Variants in RALGDS observed in about 807,000 individuals in gnomAD.
The protein encoded by RALGDS is ral guanine nucleotide exchange factor.
A neutral mutation model predicts 99.8 loss-of-function variants in RALGDS; 44 were observed. The ratio of observed to expected loss-of-function variants is 0.44; its 90% CI spans 0.35 to 0.57. The LOEUF (loss-of-function observed/expected upper bound fraction) is 0.57, where lower values mean the gene tolerates loss of function less well. Ranked by LOEUF, RALGDS falls within the 20% of genes least tolerant of loss-of-function variation. The pLI, the probability that RALGDS is intolerant of heterozygous loss-of-function variation, is 0.01. For synonymous variants in RALGDS, 529 were observed against 505.0 expected (o/e 1.05, Z -0.64); for missense variants, 1,022 against 1,203.1 (o/e 0.85, Z 2.23).
intron 7 of RALGDS, 25 bp from the exon 8 acceptor site, chr9:133,106,773 T>C (rs1460485200): frequency 3.2e-6 from 5 of 1,551,410 alleles, no homozygotes; most frequent in African/African-American, 2.7e-5. Flanking sequence ...GCAGGAGGCA[T>C]GAGGTGGGGC....
intron 1 of RALGDS, among the ~76,000 whole-genome samples, chr9:133,116,226 T>A (rs925614494): frequency 2.6e-5 from 4 of 152,160 alleles, no homozygotes; most frequent in African/African-American, 9.7e-5. Context: ...AGACAAAGCA[T>A]CAAGATGACA....
chr9:133,138,488 AGCATCATGGTGG>A (rs1832462252), intron 1 of RALGDS, among the ~76,000 whole-genome samples: 1 of 152,178 alleles, frequency 6.6e-6, no homozygotes, highest in Non-Finnish European at 1.5e-5. Context: ...TCTCCATGCC[AGCATCATGGTGG>A]GCAGCTGGGT....
At chr9:133,107,352 T>G in intron 6 of RALGDS, 52 bp from the exon 7 acceptor site, 2 of 1,498,566 alleles carry the variant, frequency 1.3e-6, no homozygotes, top group Non-Finnish European at 1.8e-6. Flanking sequence ...TCTGGGCTGG[T>G]GCTGGGGAAG....
At chr9:133,111,548 T>C (rs1418792892) in intron 2 of RALGDS, among the ~76,000 whole-genome samples, 1 of 152,214 alleles carries the variant, frequency 6.6e-6, no homozygotes, top group Admixed American at 6.5e-5. Flanking sequence ...CCCAAAATGC[T>C]GGGATTACAG....
intron 6 of RALGDS, among the ~76,000 whole-genome samples, chr9:133,107,538 A>G (rs639827): frequency 0.25 from 37,785 of 148,662 alleles, 4,924 homozygotes; most frequent in East Asian, 0.39. Context: ...CCCACCCCCC[A>G]TCCCCCCGCC....
chr9:133,136,840 G>A (rs1361964119), intron 1 of RALGDS, among the ~76,000 whole-genome samples: 1 of 152,134 alleles, frequency 6.6e-6, no homozygotes, highest in Non-Finnish European at 1.5e-5. Context: ...AGGAGGCTGA[G>A]GCAGGAGACT....
intron 4 of RALGDS, 42 bp from the exon 5 acceptor site, chr9:133,108,908 C>T (rs1300358116): frequency 6.4e-7 from 1 of 1,558,174 alleles, no homozygotes; most frequent in Non-Finnish European, 8.8e-7. Flanking sequence ...GGCCTGGGCT[C>T]CCCTGAGCCA....
At chr9:133,113,662 G>T (rs1831458167) in intron 1 of RALGDS, among the ~76,000 whole-genome samples, 3 of 152,174 alleles carry the variant, frequency 2.0e-5, no homozygotes, top group Admixed American at 1.3e-4. Flanking sequence ...CCCCTGCCTA[G>T]AAAGTTGTTC....
intron 16 of RALGDS, chr9:133,100,671 C>T: frequency 2.3e-6 from 3 of 1,300,408 alleles, no homozygotes; most frequent in African/African-American, 1.5e-5. Context: ...CCCACACTTC[C>T]TTGAGAAGCA....
upstream of RALGDS, chr9:133,121,320 G>A (rs1260734507): frequency 2.8e-5 from 19 of 685,504 alleles, no homozygotes; most frequent in Non-Finnish European, 3.1e-5. Flanking sequence ...GGGGAGGGGC[G>A]GAACCGGAGA....
At chr9:133,099,445 A>C (rs1026877916) in intron 17 of RALGDS, 1 of 152,860 alleles carries the variant, frequency 6.5e-6, no homozygotes, top group Non-Finnish European at 1.5e-5. Context: ...ACTTCTAGGG[A>C]TCACAGGAGT....
upstream of RALGDS, chr9:133,131,124 G>A (rs984808945): frequency 6.9e-7 from 1 of 1,443,962 alleles, no homozygotes; most frequent in African/African-American, 1.4e-5. Context: ...CACTGCCCCA[G>A]CAGCACCTCG....
Position 133,121,154 on chromosome 9 carries a change from TG to T in RALGDS, c.-1del. 1 of 1,229,376 alleles carries T rather than the reference TG, an allele frequency of 8.1e-7. No individual in the cohort carries two copies. The highest frequency in any genetic ancestry group is 1.0e-6 in the Non-Finnish European group (1 of 981,298). The allele number at this position is 1,229,376 out of a possible 1,614,324, so 76.2% of individuals were successfully genotyped here. A position where few individuals can be genotyped will look rare whatever the true frequency, so the allele number is the denominator to read the frequency against. On this transcript the variant is annotated 5_prime_UTR_variant, in exon 1 of 18. Coordinates refer to ENST00000372050, the MANE Select transcript of RALGDS (RefSeq NM_006266.4). ...GCCTCGGCCCACATGCGCTGCACCA[TG>T]GAAGGCTCGCAGCGCGGGCGCGGGG...
Position 133,107,126 on chromosome 9 carries a change from C to T in RALGDS, c.1372G>A (p.Asp458Asn), listed in dbSNP as rs758620729. The change falls in exon 7 of 18, where the codon GAC becomes AAC. Residue 458 changes from aspartate to asparagine, a missense_variant. This residue lies in a region of RALGDS where 825 missense variants were observed against 994.5 expected (regional missense o/e 0.83). Coordinates refer to ENST00000372050, the MANE Select transcript of RALGDS (RefSeq NM_006266.4). ...CAGTGCTCCACCACCCTGGCCCTGT[C>T]TGGGGCTTTCGTGCTTCGGTTCCCG... ...CLGNRSTKAP[D>N]RARVVEHWIE... is the part of the protein sequence containing the mutation. 1 of 1,613,740 alleles carries T rather than the reference C, an allele frequency of 6.2e-7. No homozygotes were observed. Among genetic ancestry groups the T allele is most frequent in the South Asian group, 1.1e-5 (1 of 91,092 alleles).
Position 133,108,872 on chromosome 9 carries a change from G to T in RALGDS, c.585-6C>A. On this transcript the variant is annotated splice_region_variant and splice_polypyrimidine_tract_variant and intron_variant, in intron 4 of 17. Coordinates refer to ENST00000372050, the MANE Select transcript of RALGDS (RefSeq NM_006266.4). ...CCAGGATGGAGGAGATGGCACTGGG[G>T]ACAGGTGGGTGGCAGCAGAGTCAGA... The T allele has an allele frequency of 6.2e-7, 1 of 1,609,850 alleles. No individual in the cohort carries two copies. Among genetic ancestry groups the T allele is most frequent in the South Asian group, 1.1e-5 (1 of 90,840 alleles).
intron 1 of RALGDS, among the ~76,000 whole-genome samples, chr9:133,137,052 C>G (rs551726811): frequency 2.0e-5 from 3 of 152,216 alleles, no homozygotes; most frequent in African/African-American, 7.2e-5. Context: ...CTGGCCAACA[C>G]GGTAAAACCC....
chr9:133,103,547 AG>A (rs1161311774), intron 11 of RALGDS, 199 bp downstream of exon 11: 22 of 704,440 alleles, frequency 3.1e-5, no homozygotes, highest in Non-Finnish European at 5.5e-5. Flanking sequence ...CTCTGTGCTC[AG>A]GGTCACTGCC....
chr9:133,113,777 G>T (rs574376968), intron 1 of RALGDS, among the ~76,000 whole-genome samples: 1 of 152,222 alleles, frequency 6.6e-6, no homozygotes, highest in Non-Finnish European at 1.5e-5. Context: ...TGGCTCAGCT[G>T]GGAGTCTCTC....
rs747309081 is a variant in RALGDS at position 133,109,719 on chromosome 9, T to C, written c.491A>G (p.Tyr164Cys). The part of the protein sequence containing the change: ...QQVLDLLFKR[Y>C]GRCDALTASS... ...GGCCGTGAGGGCGTCACATCTACCG[T>C]ACCTGCTTATGACGTCTAGTGTTAC... The change falls in exon 4 of 18, where the codon TAC becomes TGC. Residue 164 changes from tyrosine (Y) to cysteine (C), a missense_variant and splice_region_variant. This residue lies in a region of RALGDS where 825 missense variants were observed against 994.5 expected (regional missense o/e 0.83). Transcript: ENST00000372050. 6.2e-7 allele frequency: 1 copy of C among 1,612,418 alleles called. No individual in the cohort carries two copies. The highest frequency in any genetic ancestry group is 8.5e-7 in the Non-Finnish European group (1 of 1,178,682).
Sources: allele counts gnomAD v4.1 joint callset (sites outside exome capture counted in the v4.1 genomes callset), GRCh38; gene constraint gnomAD v4.1.1; regional missense constraint gnomAD v4.1.1; transcripts MANE v1.5; gene names NCBI Gene and HGNC (gene_info 2026-07-23, HGNC 2026-07-21).